GRIN2C: variants seen among roughly 807,000 people sequenced by gnomAD.
GRIN2C encodes glutamate ionotropic receptor NMDA type subunit 2C, also known as glutamate receptor ionotropic, NMDA 2C.
A neutral mutation model predicts 77.7 loss-of-function variants in GRIN2C; 64 were observed. That is an observed-to-expected ratio of 0.82 (90% CI 0.67 to 1.01). The LOEUF (loss-of-function observed/expected upper bound fraction) is 1.01. Ranked by LOEUF, GRIN2C falls within the 50% of genes least tolerant of loss-of-function variation. GRIN2C has a pLI of 0.00. For missense variants in GRIN2C, 1,549 were observed against 1,486.0 expected (o/e 1.04, Z -0.70); for synonymous variants, 792 against 643.4 (o/e 1.23, Z -3.49).
chr17:74,844,477 G>A lies in GRIN2C; in HGVS notation c.2382C>T (p.Leu794=), dbSNP rs1292069426. 1.9e-6 allele frequency: 3 copies of A among 1,614,202 alleles called. No individual in the cohort carries two copies. The highest frequency in any genetic ancestry group is 4.5e-5 in the East Asian group (2 of 44,886). The part of the protein sequence containing the change: ...GETQKLETVW[L]SGICQNEKNE... ...TCTTCTCATTCTGGCAGATCCCTGAGAGCCACACTGTCTCCAGTTTCTGTG... is the reference window on the plus strand; with the variant it reads ...TCTTCTCATTCTGGCAGATCCCTGAAAGCCACACTGTCTCCAGTTTCTGTG... The change falls in exon 12 of 13, where the codon CTC becomes CTT. Residue 794 remains leucine, a synonymous_variant. Coordinates refer to ENST00000293190, the MANE Select transcript of GRIN2C (RefSeq NM_000835.6).
At chr17:74,848,635 A>C (rs1326581473) in intron 7 of GRIN2C, among the ~76,000 whole-genome samples, 1 of 152,180 alleles carries the variant, frequency 6.6e-6, no homozygotes, top group East Asian at 1.9e-4. Context: ...AGGAGGCGGC[A>C]GTTGCAGTGA....
rs2037333903 is a variant in GRIN2C at position 74,842,855 on chromosome 17, G to C, written c.3282C>G (p.Ser1094Arg). 3 of 567,704 alleles carry C rather than the reference G, an allele frequency of 5.3e-6. No individual in the cohort carries two copies. Among genetic ancestry groups the C allele is most frequent in the East Asian group, 3.3e-5 (1 of 30,360 alleles). The allele number at this position is 567,704 out of a possible 1,614,324, so 35.2% of individuals were successfully genotyped here. ...GGCCGGTGCACCCAGCGGGCAGCGAGCTGGGCCGAGCGAAGGCCTCGGCCA... is the reference window on the plus strand; with the variant it reads ...GGCCGGTGCACCCAGCGGGCAGCGACCTGGGCCGAGCGAAGGCCTCGGCCA... Reference protein sequence around the residue: ...SSVAEAFARPSSLPAGCTGPA... With the variant: ...SSVAEAFARPRSLPAGCTGPA... The change falls in exon 13 of 13, where the codon AGC (serine) becomes AGG (arginine). Residue 1094 changes from serine (S) to arginine (R), a missense_variant. Ser to Arg is a moderately radical substitution (Grantham distance 110). Coordinates refer to ENST00000293190, the MANE Select transcript of GRIN2C (RefSeq NM_000835.6).
Position 74,846,981 on chromosome 17 carries a change from C to G in GRIN2C, c.2002-61G>C. 2 of 1,540,514 alleles carry G rather than the reference C, an allele frequency of 1.3e-6. No homozygotes were observed. Among genetic ancestry groups the G allele is most frequent in the Admixed American group, 1.8e-5 (1 of 57,128 alleles). On this transcript the variant is annotated intron_variant, in intron 9 of 12. Coordinates refer to ENST00000293190, the MANE Select transcript of GRIN2C (RefSeq NM_000835.6). The surrounding 1 kb of genome is among the most constrained non-coding windows in gnomAD (Gnocchi z 4.4). ...CCTCCAGCCTTCCAGGCACCAAAGC[C>G]CCAAACCCACCCCAGAGCCCAGCCC...
chr17:74,844,165 G>A, intron 12 of GRIN2C, 111 bp downstream of exon 12: 2 of 1,505,858 alleles, frequency 1.3e-6, no homozygotes, highest in Non-Finnish European at 1.8e-6. Flanking sequence ...TGAGCCATGA[G>A]CCGGGCCAGA....
chr17:74,852,740 C>G (rs2037704910), intron 2 of GRIN2C, 129 bp from the exon 3 acceptor site: 1 of 488,150 alleles, frequency 2.0e-6, no homozygotes, highest in Non-Finnish European at 3.5e-6. Context: ...TCCGGGAGCC[C>G]TCTGGCCTGC....
In GRIN2C at chr17:74,847,104, A is replaced by T. The variant is rs117213937; in HGVS notation, c.2002-184T>A. 0.013 allele frequency: 9,498 copies of T among 744,558 alleles called. 711 individuals are homozygous for T. In the East Asian group the frequency reaches 0.19, roughly 15 times the overall value. The allele number at this position is 744,558 out of a possible 1,614,324, so 46.1% of individuals were successfully genotyped here. ...AGACTCTGAGGCCCAAGACAGGGAG[A>T]GACTTACCCAAGGCCTCTCAGCCGG... On this transcript the variant is annotated intron_variant, in intron 9 of 12. Coordinates refer to ENST00000293190, the MANE Select transcript of GRIN2C (RefSeq NM_000835.6). The surrounding 1 kb of genome is among the most constrained non-coding windows in gnomAD (Gnocchi z 5.2).
At position 74,852,518 on chromosome 17, in the gene GRIN2C, A is replaced by G; in HGVS notation, c.493T>C (p.Phe165Leu). The change falls in exon 3 of 13, where the codon TTC becomes CTC. Residue 165 changes from phenylalanine (F) to leucine (L), a missense_variant. Around this residue, in one of 3 missense-constraint regions of GRIN2C, gnomAD observed 382 missense variants for 360.0 expected, o/e 1.06. Transcript: ENST00000293190. ...GGGTGCAGGCTGGTGATGACGGCGA[A>G]GGCGCTCCAGTCGTACTCTTCCAGC... Reference protein sequence around the residue: ...KVLEEYDWSAFAVITSLHPGH... With the variant: ...KVLEEYDWSALAVITSLHPGH... 6.4e-7 allele frequency: 1 copy of G among 1,568,058 alleles called. No homozygotes were observed. Among genetic ancestry groups the G allele is most frequent in the South Asian group, 1.2e-5 (1 of 86,678 alleles).
rs772811223 is a variant in GRIN2C, at chr17:74,852,029, G to A, written c.982C>T (p.Arg328Trp). 36 of 1,464,330 alleles carry A rather than the reference G, an allele frequency of 2.5e-5. No homozygotes were observed. The highest frequency in any genetic ancestry group is 2.9e-5 in the African/African-American group (2 of 69,220). The allele number at this position is 1,464,330 out of a possible 1,614,324, so 90.7% of individuals were successfully genotyped here. ...RVHPGPVSPA[R>W]EAFYRHLLNV... Reference sequence around the variant, plus strand: ...GGTGCCCACCTGTAGAAGGCCTCCCGGGCAGGGCTGACGGGCCCAGGGTGA... The same window carrying A: ...GGTGCCCACCTGTAGAAGGCCTCCCAGGCAGGGCTGACGGGCCCAGGGTGA... Residue 328 changes from arginine (R) to tryptophan (W), a missense_variant, in exon 3 of 13, where the codon CGG becomes TGG. Physicochemically the swap from Arg to Trp is moderately radical, Grantham distance 101. Around this residue, in one of 3 missense-constraint regions of GRIN2C, gnomAD observed 717 missense variants for 858.1 expected, o/e 0.84. Transcript: ENST00000293190.
Position 74,850,146 on chromosome 17 carries a change from G to A in GRIN2C, c.1491+60C>T. The A allele has an allele frequency of 1.3e-6, 2 of 1,574,208 alleles. No individual in the cohort carries two copies. The highest frequency in any genetic ancestry group is 8.7e-7 in the Non-Finnish European group (1 of 1,149,498). ...TCTAGAGGGCATCTGAGAGCCACAT[G>A]GGGCCTGGGCAGCAGGTGGGCAGGC... On this transcript the variant is annotated intron_variant, in intron 6 of 12. Transcript: ENST00000293190. The surrounding 1 kb of genome is among the most constrained non-coding windows in gnomAD (Gnocchi z 5.3).
chr17:74,855,103 G>C lies in GRIN2C; in HGVS notation c.-11C>G, dbSNP rs780622826. On this transcript the variant is annotated 5_prime_UTR_variant, in exon 2 of 13. Transcript: ENST00000293190. ...CAGGGCCCCACCCATGTCCACCGGA[G>C]GGTCCTGCGGAGAGACCAGAACAAG... 2.6e-6 allele frequency: 4 copies of C among 1,563,476 alleles called. No individual in the cohort carries two copies. Among genetic ancestry groups the C allele is most frequent in the Non-Finnish European group, 3.4e-6 (4 of 1,161,154 alleles).
chr17:74,843,526 G>A lies in GRIN2C; in HGVS notation c.2611C>T (p.Gln871Ter). The part of the protein sequence containing the change: ...RGIYSCFSGV[Q>*]SLASPPRQAS... ...TGCCGCGGTGGGCTGGCGAGGCTCTGCACCCCGCTGAAGCAGCTGTAGATG... is the reference window on the plus strand; with the variant it reads ...TGCCGCGGTGGGCTGGCGAGGCTCTACACCCCGCTGAAGCAGCTGTAGATG... The change falls in exon 13 of 13, where the codon CAG becomes TAG. Residue 871 changes from glutamine (Q) to a stop codon, truncating the protein, a stop_gained. Coordinates refer to ENST00000293190, the MANE Select transcript of GRIN2C (RefSeq NM_000835.6). LOFTEE classifies it low-confidence loss of function (END_TRUNC). 1 of 1,533,294 alleles carries A rather than the reference G, an allele frequency of 6.5e-7. No individual in the cohort carries two copies. The highest frequency in any genetic ancestry group is 8.7e-7 in the Non-Finnish European group (1 of 1,146,452). 95.0% of individuals were successfully genotyped at this position (1,533,294 alleles called of 1,614,324 possible). A position where few individuals can be genotyped will look rare whatever the true frequency, so the allele number is the denominator to read the frequency against.
intron 1 of GRIN2C, among the ~76,000 whole-genome samples, chr17:74,857,840 A>G (rs2037856902): frequency 6.6e-6 from 1 of 152,252 alleles, no homozygotes; most frequent in Admixed American, 6.5e-5. Flanking sequence ...ATTGAAGACA[A>G]CAGGGAAAAA....
chr17:74,843,226 C>A lies in GRIN2C; in HGVS notation c.2911G>T (p.Val971Leu). ...GPPDGGRAAL[V>L]RRAPQPPGRP... Reference sequence around the variant, plus strand: ...CCCGGGGGCTGCGGAGCCCTGCGCACAAGCGCCGCGCGACCCCCGTCTGGC... The same window carrying A: ...CCCGGGGGCTGCGGAGCCCTGCGCAAAAGCGCCGCGCGACCCCCGTCTGGC... Residue 971 changes from valine (V) to leucine (L), a missense_variant, in exon 13 of 13, where the codon GTG becomes TTG. Physicochemically the swap from Val to Leu is conservative, Grantham distance 32. Transcript: ENST00000293190. The A allele has an allele frequency of 1.7e-6, 1 of 590,794 alleles. No individual in the cohort carries two copies. Among genetic ancestry groups the A allele is most frequent in the South Asian group, 3.6e-5 (1 of 27,850 alleles). 36.6% of individuals were successfully genotyped at this position (590,794 alleles called of 1,614,324 possible).
At chr17:74,857,642 A>G (rs1443513688) in intron 1 of GRIN2C, among the ~76,000 whole-genome samples, 1 of 152,168 alleles carries the variant, frequency 6.6e-6, no homozygotes, top group Non-Finnish European at 1.5e-5. Flanking sequence ...CCACACCTCC[A>G]GGTCCTAGAG....
intron 4 of GRIN2C, chr17:74,851,153 C>T: frequency 3.1e-6 from 1 of 320,942 alleles, no homozygotes; most frequent in Non-Finnish European, 5.8e-6. Context: ...AATATCCCAT[C>T]TTCTGGGACC....
At position 74,851,999 on chromosome 17, in the gene GRIN2C, G is replaced by A. The variant is rs780811451; in HGVS notation, c.998+14C>T. ...CCCCACCTCCCTACCCCTATGCCCC[G>A]GGCAGGTGCCCACCTGTAGAAGGCC... On this transcript the variant is annotated intron_variant, in intron 3 of 12. Coordinates refer to ENST00000293190, the MANE Select transcript of GRIN2C (RefSeq NM_000835.6). 7 of 1,465,920 alleles carry A rather than the reference G, an allele frequency of 4.8e-6. No homozygotes were observed. Among genetic ancestry groups the A allele is most frequent in the East Asian group, 2.5e-5 (1 of 40,456 alleles). The allele number at this position is 1,465,920 out of a possible 1,614,324, so 90.8% of individuals were successfully genotyped here. A position where few individuals can be genotyped will look rare whatever the true frequency, so the allele number is the denominator to read the frequency against.
chr17:74,849,968 G>C lies in GRIN2C; in HGVS notation c.1492-35C>G, dbSNP rs760734838. ...GGACGCCACGGAGGTTTGAAAAAGG[G>C]GCTCCCGTGGGGTGGACACGCTGCA... On this transcript the variant is annotated intron_variant, in intron 6 of 12. Transcript: ENST00000293190. This position sits in a 1 kb window ranked among gnomAD's most constrained non-coding sequence, Gnocchi z 4.6. The C allele has an allele frequency of 1.1e-5, 18 of 1,596,592 alleles. No homozygotes were observed. Among genetic ancestry groups the C allele is most frequent in the Non-Finnish European group, 1.1e-5 (13 of 1,172,832 alleles).
In GRIN2C at chr17:74,851,557, T is replaced by G; in HGVS notation, c.1113+20A>C. 3 of 1,462,098 alleles carry G rather than the reference T, an allele frequency of 2.1e-6. No individual in the cohort carries two copies. The highest frequency in any genetic ancestry group is 2.8e-6 in the Non-Finnish European group (3 of 1,064,916). 90.6% of individuals were successfully genotyped at this position (1,462,098 alleles called of 1,614,324 possible). The stretch of plus-strand genomic sequence containing the variant: ...AAAATAAGAGGACACTGAGGGCCCC[T>G]GGGCTCACCCCCTTCTCACCATCTC... On this transcript the variant is annotated intron_variant, in intron 4 of 12. Transcript: ENST00000293190.
At chr17:74,857,854 T>C (rs778299518) in intron 1 of GRIN2C, among the ~76,000 whole-genome samples, 1 of 152,214 alleles carries the variant, frequency 6.6e-6, no homozygotes, top group Non-Finnish European at 1.5e-5. Context: ...GGAAAAAGAA[T>C]GTAAAAAATC....
Sources: gnomAD v4.1 joint callset for allele counts (sites outside exome capture counted in the v4.1 genomes callset) on GRCh38, gnomAD v4.1.1 for gene constraint, gnomAD v4.1.1 regional missense constraint, Gnocchi (gnomAD v3.1) non-coding constraint, MANE v1.5 for transcripts, NCBI Gene and HGNC (gene_info 2026-07-23, HGNC 2026-07-21) for gene names.